Variants in GOLGA4 observed in about 807,000 individuals in gnomAD.
GOLGA4 encodes golgin A4, also known as golgin subfamily A member 4.
Under a neutral mutation model 265.9 loss-of-function variants are expected in GOLGA4, and 169 were observed. The ratio of observed to expected loss-of-function variants is 0.64; its 90% CI spans 0.56 to 0.72. The LOEUF (loss-of-function observed/expected upper bound fraction) is 0.72, where lower values mean the gene tolerates loss of function less well. GOLGA4 is among the 30% of genes least tolerant of loss of function. GOLGA4 has a pLI of 0.00. For missense variants in GOLGA4, 2,482 were observed against 2,483.4 expected, an observed-to-expected ratio of 1.00 and a Z score of 0.01; for synonymous variants, 923 against 855.8, an observed-to-expected ratio of 1.08 and a Z score of -1.37.
rs145618965 is a variant in GOLGA4 at position 37,361,435 on chromosome 3, A to G, written c.*33+130A>G. 5.7e-4 allele frequency: 323 copies of G among 571,642 alleles called. 2 individuals carry two copies. In the African/African-American group the frequency reaches 5.9e-3, roughly 10 times the overall value. 35.4% of individuals were successfully genotyped at this position (571,642 alleles called of 1,614,324 possible). A position where few individuals can be genotyped will look rare whatever the true frequency, so the allele number is the denominator to read the frequency against. The stretch of plus-strand genomic sequence containing the variant: ...GATTATGCTATGGGTTAATATAAGT[A>G]TTTTCTGTTCATTCTGTTATATGGA... On this transcript the variant is annotated intron_variant, in intron 23 of 23. Coordinates refer to ENST00000361924, the MANE Select transcript of GOLGA4 (RefSeq NM_002078.5).
chr3:37,326,147 G>A lies in GOLGA4; in HGVS notation c.4261G>A (p.Val1421Ile), dbSNP rs777846580. The change falls in exon 14 of 24, where the codon GTT becomes ATT. Residue 1421 changes from valine to isoleucine, a missense_variant. By Grantham distance (29) the Val-to-Ile change is conservative (BLOSUM62 3). Transcript: ENST00000361924. ...LDQVQDLSFK[V>I]DTLSKEKISA... ...TCAGGTGCAAGATTTATCTTTTAAA[G>A]TTGACACTCTGAGTAAAGAGAAAAT... is the stretch of plus-strand genomic sequence containing the variant. 6.8e-6 allele frequency: 11 copies of A among 1,613,464 alleles called. No homozygotes were observed. Among genetic ancestry groups the A allele is most frequent in the Non-Finnish European group, 8.5e-6 (10 of 1,179,650 alleles).
intron 16 of GOLGA4, among the ~76,000 whole-genome samples, chr3:37,332,990 T>G (rs1473491879): frequency 6.6e-6 from 1 of 152,232 alleles, no homozygotes; most frequent in Non-Finnish European, 1.5e-5. Flanking sequence ...CCTTAGACTA[T>G]AAGCATCACT....
rs2096874152 is a variant in GOLGA4 at position 37,294,924 on chromosome 3, CT to C, written c.583-52del. ...TCAACATGTTTTTAAATTTTGAAAA[CT>C]TTGTATTTTTTGTTTTATACTGAAA... On this transcript the variant is annotated intron_variant, in intron 5 of 23. Coordinates refer to ENST00000361924, the MANE Select transcript of GOLGA4 (RefSeq NM_002078.5). 12 of 1,184,974 alleles carry C rather than the reference CT, an allele frequency of 1.0e-5. No homozygotes were observed. The South Asian group carries it at 1.5e-4, about 14-fold the overall frequency. 73.4% of individuals were successfully genotyped at this position (1,184,974 alleles called of 1,614,324 possible).
chr3:37,328,660 C>G (rs977352063), intron 15 of GOLGA4, 123 bp downstream of exon 15: 17 of 941,892 alleles, frequency 1.8e-5, no homozygotes, highest in Non-Finnish European at 2.5e-5. Context: ...TAATCCTTGC[C>G]CAATAACATT....
At chr3:37,254,117 A>G (rs1442833245) in intron 2 of GOLGA4, among the ~76,000 whole-genome samples, 1 of 152,260 alleles carries the variant, frequency 6.6e-6, no homozygotes, top group Non-Finnish European at 1.5e-5. Flanking sequence ...CAATCAATAT[A>G]CTGAGTATAG....
intron 2 of GOLGA4, chr3:37,275,591 G>A (rs2096814680): frequency 3.7e-6 from 5 of 1,343,828 alleles, no homozygotes; most frequent in African/African-American, 1.4e-5. Context: ...GCGGTGGTGG[G>A]GGTTGCTGCG....
intron 2 of GOLGA4, among the ~76,000 whole-genome samples, chr3:37,264,153 G>A (rs758944765): frequency 1.4e-4 from 21 of 152,122 alleles, no homozygotes; most frequent in Non-Finnish European, 2.5e-4. Context: ...TAGCCTTTGT[G>A]TTTTTCTTTT....
At chr3:37,340,100 G>A in intron 19 of GOLGA4, 24 bp from the exon 20 acceptor site, 3 of 921,436 alleles carry the variant, frequency 3.3e-6, no homozygotes, top group Non-Finnish European at 5.3e-6. Flanking sequence ...AATCTTATAT[G>A]GTCTGATTAT....
chr3:37,317,831 AG>A (rs1336899385), intron 11 of GOLGA4, among the ~76,000 whole-genome samples: 3 of 152,128 alleles, frequency 2.0e-5, no homozygotes, highest in African/African-American at 7.2e-5. Flanking sequence ...AGTGAGAATT[AG>A]GCCTTTGCAC....
chr3:37,272,270 GTTGGGC>G (rs1225097802), intron 2 of GOLGA4, among the ~76,000 whole-genome samples: 24 of 151,978 alleles, frequency 1.6e-4, no homozygotes, highest in Non-Finnish European at 2.7e-4. Context: ...GATAAAGATG[GTTGGGC>G]ATGGTGGCTC....
intron 1 of GOLGA4, among the ~76,000 whole-genome samples, chr3:37,244,796 T>G (rs1180944028): frequency 6.6e-6 from 1 of 152,248 alleles, no homozygotes; most frequent in Non-Finnish European, 1.5e-5. Flanking sequence ...TTTTCTCAAG[T>G]GCAAATGGTA....
rs561406731 is a variant in GOLGA4, at chr3:37,288,652, G to T, written c.526-583G>T. 1.4e-4 allele frequency among the ~76,000 whole-genome samples: 21 copies of T among 150,338 alleles called. No homozygotes were observed. The South Asian group carries it at 3.6e-3, about 26-fold the overall frequency. On this transcript the variant is annotated intron_variant, in intron 4 of 23. Coordinates refer to ENST00000361924, the MANE Select transcript of GOLGA4 (RefSeq NM_002078.5). ...CCACCACGCCTGGCTGATTTTTTTT[G>T]TATTTTTAGTAGAGAAGGGGTTTCA...
intron 3 of GOLGA4, among the ~76,000 whole-genome samples, chr3:37,283,483 A>T (rs1419647444): frequency 6.6e-6 from 1 of 152,142 alleles, no homozygotes; most frequent in Non-Finnish European, 1.5e-5. Flanking sequence ...TATAAGTAGT[A>T]TTTACGTATG....
rs911684294 is a variant in GOLGA4, at chr3:37,326,256, A to G, written c.4370A>G (p.Gln1457Arg). The G allele has an allele frequency of 1.2e-6, 2 of 1,613,700 alleles. No individual in the cohort carries two copies. Among genetic ancestry groups the G allele is most frequent in the African/African-American group, 1.3e-5 (1 of 75,052 alleles). Residue 1457 changes from glutamine (Q) to arginine (R), a missense_variant, in exon 14 of 24, where the codon CAA becomes CGA. Gln to Arg is a conservative substitution (Grantham distance 43, BLOSUM62 1). This residue lies in a region of GOLGA4 where 942 missense variants were observed against 983.1 expected (regional missense o/e 0.96). Coordinates refer to ENST00000361924, the MANE Select transcript of GOLGA4 (RefSeq NM_002078.5). The stretch of plus-strand genomic sequence containing the variant: ...GCACAGTCAAGATTTACACAGCATC[A>G]AAACACTGTTAAAGAATTGCAGATC... ...KKAQSRFTQHQNTVKELQIQL... is the reference protein window; with the variant it reads ...KKAQSRFTQHRNTVKELQIQL...
At chr3:37,321,687 A>G in intron 12 of GOLGA4, 44 bp from the exon 13 acceptor site, 1 of 1,546,118 alleles carries the variant, frequency 6.5e-7, no homozygotes, top group Non-Finnish European at 8.8e-7. Flanking sequence ...CGAATGCTGA[A>G]GATTTATGTG....
intron 4 of GOLGA4, among the ~76,000 whole-genome samples, 195 bp from the exon 5 acceptor site, chr3:37,289,040 A>G (rs963413086): frequency 3.3e-5 from 5 of 152,256 alleles, no homozygotes; most frequent in South Asian, 2.1e-4. Context: ...GAACAGTTCT[A>G]TAACATCATG....
chr3:37,271,391 A>C (rs915571247), intron 2 of GOLGA4, among the ~76,000 whole-genome samples: 15 of 152,222 alleles, frequency 9.9e-5, no homozygotes, highest in Admixed American at 8.5e-4. Flanking sequence ...ACTTTAAGGA[A>C]ATGTCTTAGA....
intron 21 of GOLGA4, among the ~76,000 whole-genome samples, chr3:37,351,694 G>A (rs778636522): frequency 2.6e-5 from 4 of 152,152 alleles, no homozygotes; most frequent in Non-Finnish European, 4.4e-5. Context: ...GGGTGACCAG[G>A]TGTATTATCA....
intron 10 of GOLGA4, among the ~76,000 whole-genome samples, chr3:37,311,523 G>T (rs767768079): frequency 6.6e-6 from 1 of 152,140 alleles, no homozygotes; most frequent in Non-Finnish European, 1.5e-5. Flanking sequence ...GGTATGGATC[G>T]TTGCTTAAAG....
Sources: gnomAD v4.1 joint callset for allele counts (sites outside exome capture counted in the v4.1 genomes callset) on GRCh38, gnomAD v4.1.1 for gene constraint, gnomAD v4.1.1 regional missense constraint, MANE v1.5 for transcripts, NCBI Gene and HGNC (gene_info 2026-07-23, HGNC 2026-07-21) for gene names.